Variants in DNAH12 observed in about 807,000 individuals in gnomAD.
The protein encoded by DNAH12 is axonemal beta dynein heavy chain 12.
Under a neutral mutation model 371.5 loss-of-function variants are expected in DNAH12, and 285 were observed. The ratio of observed to expected loss-of-function variants is 0.77; its 90% CI spans 0.70 to 0.85. DNAH12 has a LOEUF of 0.85. Among genes scored for constraint, DNAH12 ranks in the 40% least tolerant of loss-of-function variants. The pLI, the probability that DNAH12 is intolerant of heterozygous loss-of-function variation, is 0.00. For synonymous variants in DNAH12, 1,200 were observed against 1,213.0 expected, an observed-to-expected ratio of 0.99 and a Z score of 0.22; for missense variants, 3,611 against 3,689.4, an observed-to-expected ratio of 0.98 and a Z score of 0.55.
At chr3:57,523,981 T>C in intron 2 of DNAH12, 97 bp from the exon 3 acceptor site, 1 of 752,728 alleles carries the variant, frequency 1.3e-6, no homozygotes, top group Non-Finnish European at 2.0e-6. Flanking sequence ...TACTAAGAGA[T>C]ATTCAAGAGT....
At chr3:57,329,403 C>T (rs77856864) in intron 62 of DNAH12, among the ~76,000 whole-genome samples, 6,591 of 92,734 alleles carry the variant, frequency 0.071, 210 homozygotes, top group East Asian at 0.15. Context: ...TCAGAAATAA[C>T]GCCACATATC....
intron 11 of DNAH12, among the ~76,000 whole-genome samples, chr3:57,500,906 C>A (rs1318380142): frequency 6.6e-6 from 1 of 152,122 alleles, no homozygotes; most frequent in Admixed American, 6.6e-5. Context: ...CAGGCATGCA[C>A]CACCATACCT....
chr3:57,322,867 T>C (rs1422739652), intron 64 of DNAH12, 140 bp downstream of exon 64: 2 of 1,239,052 alleles, frequency 1.6e-6, no homozygotes, highest in African/African-American at 1.5e-5. Flanking sequence ...GAGGCGAAGT[T>C]TGCGGTGAGC....
chr3:57,367,695 A>T (rs1037057420), intron 56 of DNAH12, among the ~76,000 whole-genome samples: 3,608 of 152,240 alleles, frequency 0.024, 64 homozygotes, highest in Admixed American at 0.035. Context: ...AGGGAGGAGG[A>T]TCACTTGAGG....
At chr3:57,461,845 G>A (rs184338428) in intron 18 of DNAH12, among the ~76,000 whole-genome samples, 156 bp from the exon 19 acceptor site, 5 of 152,262 alleles carry the variant, frequency 3.3e-5, no homozygotes, top group African/African-American at 1.2e-4. Flanking sequence ...AAGTTAGAAG[G>A]TTTTTCAACA....
At chr3:57,330,817 T>C (rs2062078568) in intron 62 of DNAH12, among the ~76,000 whole-genome samples, 1 of 151,956 alleles carries the variant, frequency 6.6e-6, no homozygotes. Context: ...CAACTCCTCC[T>C]TGAGTTTCCA....
intron 69 of DNAH12, among the ~76,000 whole-genome samples, chr3:57,308,820 G>A (rs1008383225): frequency 5.9e-5 from 9 of 152,070 alleles, no homozygotes; most frequent in African/African-American, 2.2e-4. Context: ...TTTAATACCT[G>A]TTTTTCTTCT....
chr3:57,412,496 G>A (rs782762593), intron 39 of DNAH12, among the ~76,000 whole-genome samples: 8 of 152,114 alleles, frequency 5.3e-5, no homozygotes, highest in Non-Finnish European at 8.8e-5. Flanking sequence ...TCAAGAGAAT[G>A]AGAAGACAGG....
At chr3:57,466,716 G>A (rs1173429620) in intron 17 of DNAH12, among the ~76,000 whole-genome samples, 2 of 152,038 alleles carry the variant, frequency 1.3e-5, no homozygotes, top group East Asian at 3.9e-4. Context: ...GCTGCACTTA[G>A]TATAGGCTAA....
intron 12 of DNAH12, among the ~76,000 whole-genome samples, chr3:57,487,027 G>T (rs914811896): frequency 6.6e-6 from 1 of 152,036 alleles, no homozygotes; most frequent in Non-Finnish European, 1.5e-5. Flanking sequence ...CAAGGACAAC[G>T]GCCATAAAGT....
chr3:57,435,484 T>A (rs2065093995), intron 30 of DNAH12, among the ~76,000 whole-genome samples: 2 of 151,392 alleles, frequency 1.3e-5, no homozygotes, highest in Admixed American at 1.3e-4. Flanking sequence ...CCTGATAAGG[T>A]CAAGGATACT....
At chr3:57,349,461 CT>C (rs1158652995) in intron 60 of DNAH12, among the ~76,000 whole-genome samples, 2 of 152,158 alleles carry the variant, frequency 1.3e-5, no homozygotes, top group African/African-American at 4.8e-5. Context: ...AGCAATCCCC[CT>C]ACTCGGTATC....
At chr3:57,528,167 T>G (rs573192973) in intron 2 of DNAH12, among the ~76,000 whole-genome samples, 1 of 151,950 alleles carries the variant, frequency 6.6e-6, no homozygotes, top group Admixed American at 6.6e-5. Flanking sequence ...TAGCTGGGAT[T>G]ACAGGCATGC....
At chr3:57,485,676 G>A (rs558598488) in intron 12 of DNAH12, among the ~76,000 whole-genome samples, 45 of 152,176 alleles carry the variant, frequency 3.0e-4, no homozygotes, top group African/African-American at 1.1e-3. Context: ...TGGAATTACA[G>A]GCATGAGCCA....
chr3:57,526,856 CAG>C lies in DNAH12; in HGVS notation c.171-2974_171-2973del, dbSNP rs1465331139. ...TTGTTGTTGTTGTTTTGTTTTGAGACAGAGTCTTACTCTGTCACCCAGGTTGG... is the reference window on the plus strand; with the variant it reads ...TTGTTGTTGTTGTTTTGTTTTGAGACAGTCTTACTCTGTCACCCAGGTTGG... On this transcript the variant is annotated intron_variant, in intron 2 of 73. Transcript: ENST00000495027. 6.4e-4 allele frequency among the ~76,000 whole-genome samples: 74 copies of C among 115,592 alleles called. 3 individuals are homozygous for C. Among genetic ancestry groups the C allele is most frequent in the Middle Eastern group, 7.9e-3 (2 of 254 alleles). 75.8% of individuals were successfully genotyped at this position (115,592 alleles called of 152,430 possible). A position where few individuals can be genotyped will look rare whatever the true frequency, so the allele number is the denominator to read the frequency against.
At chr3:57,448,585 G>C (rs763164903) in intron 25 of DNAH12, among the ~76,000 whole-genome samples, 207 of 152,302 alleles carry the variant, frequency 1.4e-3, no homozygotes, top group Non-Finnish European at 2.5e-3. Context: ...AAAGAACAAA[G>C]CTTCCACAGC....
At chr3:57,497,772 A>G (rs1421020476) in intron 11 of DNAH12, among the ~76,000 whole-genome samples, 1 of 152,226 alleles carries the variant, frequency 6.6e-6, no homozygotes, top group Non-Finnish European at 1.5e-5. Context: ...AAAAAAATTG[A>G]TAGACTAGAA....
Position 57,413,743 on chromosome 3 carries a change from T to A in DNAH12, c.6020+3A>T. On this transcript the variant is annotated splice_donor_region_variant and intron_variant, in intron 39 of 73. Transcript: ENST00000495027. ...AGCATAACTTATCGAATTAAATAGT[T>A]ACCAATGTCCACAGTCAAAAAACTG... The A allele has an allele frequency of 8.4e-6, 13 of 1,549,006 alleles. No homozygotes were observed. The highest frequency in any genetic ancestry group is 1.1e-5 in the Non-Finnish European group (13 of 1,146,192).
In DNAH12 at chr3:57,293,991, T is replaced by G; in HGVS notation, c.11693-20A>C. The G allele has an allele frequency of 7.0e-7, 1 of 1,429,970 alleles. No homozygotes were observed. The highest frequency in any genetic ancestry group is 9.2e-7 in the Non-Finnish European group (1 of 1,085,828). The allele number at this position is 1,429,970 out of a possible 1,614,324, so 88.6% of individuals were successfully genotyped here. On this transcript the variant is annotated intron_variant, in intron 73 of 73. Transcript: ENST00000495027. ...TTTGAGCTTGAAAAAAAAAAAGAAA[T>G]ATATTCACTTGATAAAGGGAAAAAC... is the stretch of plus-strand genomic sequence containing the variant.
Sources: gnomAD v4.1 joint callset for allele counts (sites outside exome capture counted in the v4.1 genomes callset) on GRCh38, gnomAD v4.1.1 for gene constraint, MANE v1.5 for transcripts, NCBI Gene and HGNC (gene_info 2026-07-23, HGNC 2026-07-21) for gene names.